GFOD1: variants seen among roughly 807,000 people sequenced by gnomAD.
GFOD1 encodes Gfo/Idh/MocA-like oxidoreductase domain containing 1.
GFOD1 carries 9 observed loss-of-function variants against 25.4 expected under a neutral mutation model. The observed-to-expected ratio is 0.35, with a 90% CI of 0.21 to 0.62. The LOEUF (loss-of-function observed/expected upper bound fraction) is 0.62, where lower values mean the gene tolerates loss of function less well. Ranked by LOEUF, GFOD1 falls within the 20% of genes least tolerant of loss-of-function variation. The probability of loss-of-function intolerance (pLI) is 0.72; values close to 1 mark genes in which losing one functional copy is unlikely to be tolerated. For synonymous variants in GFOD1, 253 were observed against 245.6 expected (o/e 1.03, Z -0.28); for missense variants, 403 against 556.9 (o/e 0.72, Z 2.78).
chr6:13,455,492 A>G (rs1758172676), intron 1 of GFOD1, among the ~76,000 whole-genome samples: 1 of 152,190 alleles, frequency 6.6e-6, no homozygotes, highest in Non-Finnish European at 1.5e-5. Context: ...TTCTAAAGAG[A>G]AAATCCTATG....
At chr6:13,413,134 C>T (rs920515570) in intron 1 of GFOD1, among the ~76,000 whole-genome samples, 5 of 152,212 alleles carry the variant, frequency 3.3e-5, no homozygotes, top group African/African-American at 7.2e-5. Flanking sequence ...AGGGGCCACT[C>T]GTACCTGAGG....
At chr6:13,422,275 AAG>A (rs1388390661) in intron 1 of GFOD1, among the ~76,000 whole-genome samples, 1 of 152,208 alleles carries the variant, frequency 6.6e-6, no homozygotes, top group Non-Finnish European at 1.5e-5. Flanking sequence ...AGTGGAGTAA[AAG>A]AACCCTAAAA....
chr6:13,405,957 C>T (rs1268127844), intron 1 of GFOD1, among the ~76,000 whole-genome samples: 2 of 152,166 alleles, frequency 1.3e-5, no homozygotes, highest in African/African-American at 2.4e-5. Context: ...CAGGAGGAGC[C>T]TGGGGACATT....
At chr6:13,427,661 G>T (rs948007041) in intron 1 of GFOD1, among the ~76,000 whole-genome samples, 2 of 152,120 alleles carry the variant, frequency 1.3e-5, no homozygotes, top group African/African-American at 2.4e-5. Context: ...AAAAAAAAAG[G>T]CTTTGTAATA....
intron 1 of GFOD1, among the ~76,000 whole-genome samples, chr6:13,390,154 G>A (rs138438175): frequency 7.7e-4 from 117 of 152,174 alleles, no homozygotes; most frequent in African/African-American, 2.5e-3. Flanking sequence ...ATGACTTTCC[G>A]AGCCTTAATC....
intron 1 of GFOD1, among the ~76,000 whole-genome samples, chr6:13,404,910 C>T (rs1436930977): frequency 6.6e-6 from 1 of 152,142 alleles, no homozygotes; most frequent in Non-Finnish European, 1.5e-5. Context: ...TTATGAGGCA[C>T]CCAATGTTTA....
intron 1 of GFOD1, among the ~76,000 whole-genome samples, chr6:13,379,369 G>C (rs2127558173): frequency 6.6e-6 from 1 of 152,276 alleles, no homozygotes; most frequent in South Asian, 2.1e-4. Context: ...CAAAGCCATG[G>C]GCACACAGCC....
At chr6:13,391,450 A>G (rs911557067) in intron 1 of GFOD1, among the ~76,000 whole-genome samples, 1 of 141,898 alleles carries the variant, frequency 7.0e-6, no homozygotes, top group Non-Finnish European at 1.5e-5. Context: ...GTGAGCTGAG[A>G]TTGTGCCACT....
chr6:13,372,469 A>G (rs1240334314), intron 1 of GFOD1, among the ~76,000 whole-genome samples: 1 of 152,094 alleles, frequency 6.6e-6, no homozygotes, highest in Admixed American at 6.5e-5. Flanking sequence ...CTCCCCTTAT[A>G]TCCTCCAAGC....
chr6:13,480,792 T>A (rs1302396774), intron 1 of GFOD1, among the ~76,000 whole-genome samples: 1 of 152,184 alleles, frequency 6.6e-6, no homozygotes, highest in African/African-American at 2.4e-5. Flanking sequence ...TGACCTGGAA[T>A]CTGTTTTTTG....
At position 13,364,192 on chromosome 6, in the gene GFOD1, C is replaced by A. The variant is rs541451525; in HGVS notation, c.*551G>T. 6.4e-6 allele frequency: 1 copy of A among 156,526 alleles called. No individual in the cohort carries two copies. The highest frequency in any genetic ancestry group is 1.9e-4 in the South Asian group (1 of 5,190). 9.7% of individuals were successfully genotyped at this position (156,526 alleles called of 1,614,324 possible). A position where few individuals can be genotyped will look rare whatever the true frequency, so the allele number is the denominator to read the frequency against. ...TACTAAGTACTTTTGCCGTTAGATACCTTATATCCAATAAAAAGTGGCTTC... is the reference window on the plus strand; with the variant it reads ...TACTAAGTACTTTTGCCGTTAGATAACTTATATCCAATAAAAAGTGGCTTC... On this transcript the variant is annotated 3_prime_UTR_variant, in exon 2 of 2. Coordinates refer to ENST00000379287, the MANE Select transcript of GFOD1 (RefSeq NM_018988.4). The surrounding 1 kb of genome is among the most constrained non-coding windows in gnomAD (Gnocchi z 4.1).
At chr6:13,384,473 C>A (rs1272025780) in intron 1 of GFOD1, among the ~76,000 whole-genome samples, 1 of 152,278 alleles carries the variant, frequency 6.6e-6, no homozygotes, top group South Asian at 2.1e-4. Flanking sequence ...AGAATGTCTG[C>A]GTCCTCCTAC....
At chr6:13,367,825 A>C (rs1033736613) in intron 1 of GFOD1, among the ~76,000 whole-genome samples, 5 of 152,008 alleles carry the variant, frequency 3.3e-5, no homozygotes, top group Non-Finnish European at 7.4e-5. Flanking sequence ...GCTAGGCAAA[A>C]AGACTTGGGA....
chr6:13,452,497 G>A (rs576584038), intron 1 of GFOD1, among the ~76,000 whole-genome samples: 1 of 152,142 alleles, frequency 6.6e-6, no homozygotes, highest in Non-Finnish European at 1.5e-5. Context: ...TAAGATCAAG[G>A]TGCCCGCAGA....
In GFOD1 at chr6:13,393,217, G is replaced by T. The variant is rs182182571; in HGVS notation, c.254-27555C>A. ...CTAAAAATACAAAAATTAGCTGGGC[G>T]TGCTAGTGCATGCCTGTAATCCCAG... is the stretch of plus-strand genomic sequence containing the variant. On this transcript the variant is annotated intron_variant, in intron 1 of 1. Transcript: ENST00000379287. Among the ~76,000 whole-genome samples, 6 of 151,898 alleles carry T rather than the reference G, an allele frequency of 4.0e-5. No individual in the cohort carries two copies. The East Asian group carries it at 7.7e-4, about 20-fold the overall frequency.
chr6:13,486,253 C>CG lies in GFOD1; in HGVS notation c.253+384_253+385insC, dbSNP rs948939616. Reference sequence around the variant, plus strand: ...ACCCTCCTCCACCCCCCCATCCCCCCCCCCCACACACACACACTTGGACAC... The same window carrying CG: ...ACCCTCCTCCACCCCCCCATCCCCCCGCCCCCACACACACACACTTGGACAC... On this transcript the variant is annotated intron_variant, in intron 1 of 1. Coordinates refer to ENST00000379287, the MANE Select transcript of GFOD1 (RefSeq NM_018988.4). 3.9e-5 allele frequency: 12 copies of CG among 310,858 alleles called. 1 individual carries two copies. The highest frequency in any genetic ancestry group is 2.0e-4 in the Admixed American group (3 of 14,846). 19.3% of individuals were successfully genotyped at this position (310,858 alleles called of 1,614,324 possible).
intron 1 of GFOD1, among the ~76,000 whole-genome samples, chr6:13,480,754 T>A (rs1362635007): frequency 6.6e-6 from 1 of 152,158 alleles, no homozygotes; most frequent in Non-Finnish European, 1.5e-5. Flanking sequence ...CCCGAAGTGC[T>A]GGGATTATAG....
intron 1 of GFOD1, among the ~76,000 whole-genome samples, chr6:13,482,068 G>T (rs1481406223): frequency 6.7e-6 from 1 of 149,720 alleles, no homozygotes; most frequent in African/African-American, 2.4e-5. Context: ...ATATATTTGT[G>T]TATATGTAAA....
chr6:13,384,938 C>A (rs1484532880), intron 1 of GFOD1, among the ~76,000 whole-genome samples: 1 of 152,166 alleles, frequency 6.6e-6, no homozygotes, highest in African/African-American at 2.4e-5. Flanking sequence ...ATTATCATTT[C>A]ATCTATTTAG....
Sources: gnomAD v4.1 joint callset for allele counts (sites outside exome capture counted in the v4.1 genomes callset) on GRCh38, gnomAD v4.1.1 for gene constraint, Gnocchi (gnomAD v3.1) non-coding constraint, MANE v1.5 for transcripts, NCBI Gene and HGNC (gene_info 2026-07-23, HGNC 2026-07-21) for gene names.